PACRG: variants seen among roughly 807,000 people sequenced by gnomAD.
PACRG encodes the protein parkin coregulated gene protein.
Under a neutral mutation model 29.7 loss-of-function variants are expected in PACRG, and 29 were observed. That is an observed-to-expected ratio of 0.98 (90% CI 0.73 to 1.33). The LOEUF (loss-of-function observed/expected upper bound fraction) is 1.33, where lower values mean the gene tolerates loss of function less well. PACRG is among the 40% of genes most tolerant of loss of function. The pLI, the probability that PACRG is intolerant of heterozygous loss-of-function variation, is 0.00. For synonymous variants in PACRG, 116 were observed against 118.7 expected (o/e 0.98, Z 0.15); for missense variants, 279 against 316.2 (o/e 0.88, Z 0.89).
intron 4 of PACRG, among the ~76,000 whole-genome samples, chr6:163,212,752 G>C (rs60414440): frequency 6.6e-6 from 1 of 151,380 alleles, no homozygotes; most frequent in African/African-American, 2.4e-5. Flanking sequence ...ATAAAGGGAA[G>C]AAGAGTAACT....
intron 1 of PACRG, among the ~76,000 whole-genome samples, chr6:162,794,150 T>C (rs1465596119): frequency 2.0e-5 from 3 of 152,166 alleles, no homozygotes; most frequent in African/African-American, 7.2e-5. Context: ...CAGAATTTTT[T>C]TGTCATCTAG....
At chr6:163,185,773 A>G (rs904190147) in intron 4 of PACRG, among the ~76,000 whole-genome samples, 3 of 152,152 alleles carry the variant, frequency 2.0e-5, no homozygotes, top group Admixed American at 1.3e-4. Context: ...ATTTCTCTGT[A>G]TCTCCGTGTA....
chr6:163,209,725 T>G (rs1585334843), intron 4 of PACRG, among the ~76,000 whole-genome samples: 12 of 152,250 alleles, frequency 7.9e-5, no homozygotes, highest in Non-Finnish European at 1.5e-5. Context: ...AGCCATAATT[T>G]GATGTAAAGC....
At chr6:162,896,415 G>A (rs1275524494) in intron 2 of PACRG, among the ~76,000 whole-genome samples, 1 of 152,184 alleles carries the variant, frequency 6.6e-6, no homozygotes, top group Non-Finnish European at 1.5e-5. Context: ...ATTATGTGAA[G>A]GTCCAGGGAT....
chr6:163,023,929 T>G (rs1806873621), intron 2 of PACRG, among the ~76,000 whole-genome samples: 1 of 152,304 alleles, frequency 6.6e-6, no homozygotes, highest in East Asian at 1.9e-4. Flanking sequence ...GGCTGTTTCT[T>G]TTTTGCTTGT....
intron 4 of PACRG, among the ~76,000 whole-genome samples, chr6:163,186,651 C>T (rs1048921013): frequency 1.3e-5 from 2 of 152,192 alleles, no homozygotes; most frequent in Non-Finnish European, 2.9e-5. Flanking sequence ...GTGGAGCCGT[C>T]GCGTGCAGGT....
intron 4 of PACRG, among the ~76,000 whole-genome samples, chr6:163,281,033 G>A (rs1233882395): frequency 6.6e-6 from 1 of 152,124 alleles, no homozygotes; most frequent in Non-Finnish European, 1.5e-5. Flanking sequence ...GGTATCATTT[G>A]AACTGAGATG....
intron 2 of PACRG, among the ~76,000 whole-genome samples, chr6:163,038,954 T>G (rs1808447240): frequency 1.3e-5 from 2 of 152,212 alleles, no homozygotes; most frequent in Admixed American, 1.3e-4. Flanking sequence ...TGAAATATTT[T>G]ATGAGTTTGC....
intron 4 of PACRG, among the ~76,000 whole-genome samples, chr6:163,149,925 C>T (rs975548468): frequency 6.6e-6 from 1 of 152,228 alleles, no homozygotes; most frequent in Non-Finnish European, 1.5e-5. Flanking sequence ...CCTGGGACTC[C>T]TCCCGCCCTG....
At chr6:163,282,501 A>G (rs999832600) in intron 4 of PACRG, among the ~76,000 whole-genome samples, 21 of 152,278 alleles carry the variant, frequency 1.4e-4, no homozygotes, top group Middle Eastern at 3.4e-3. Context: ...ACCTGAGGTC[A>G]GGAGTTCGAG....
At position 163,022,099 on chromosome 6, in the gene PACRG, C is replaced by T. The variant is rs538160093; in HGVS notation, c.292-40051C>T. On this transcript the variant is annotated intron_variant, in intron 2 of 4. Coordinates refer to ENST00000366888, the MANE Select transcript of PACRG (RefSeq NM_001080379.2). Reference sequence around the variant, plus strand: ...ACTTGGCCAGCCAGACACACACCTGCTGCTGCCACAGTGGGGCAAGTGCAC... The same window carrying T: ...ACTTGGCCAGCCAGACACACACCTGTTGCTGCCACAGTGGGGCAAGTGCAC... Among the ~76,000 whole-genome samples, 47 of 152,338 alleles carry T rather than the reference C, an allele frequency of 3.1e-4. 1 individual carries two copies. In the South Asian group the frequency reaches 9.3e-3, roughly 30 times the overall value.
chr6:162,919,031 G>A (rs1370954334), intron 2 of PACRG, among the ~76,000 whole-genome samples: 1 of 152,126 alleles, frequency 6.6e-6, no homozygotes, highest in Non-Finnish European at 1.5e-5. Flanking sequence ...ACCTAGAGGG[G>A]ATGAAGCCCT....
At chr6:163,049,815 A>G (rs1008168369) in intron 2 of PACRG, among the ~76,000 whole-genome samples, 1 of 152,094 alleles carries the variant, frequency 6.6e-6, no homozygotes, top group Admixed American at 6.5e-5. Context: ...AAAAACAGGT[A>G]GTCATTTATT....
At chr6:162,856,101 G>A (rs1244826856) in intron 2 of PACRG, among the ~76,000 whole-genome samples, 1 of 152,148 alleles carries the variant, frequency 6.6e-6, no homozygotes, top group East Asian at 1.9e-4. Flanking sequence ...CTGTCACCCA[G>A]GCTGGAGTGC....
At chr6:162,814,375 G>C in intron 2 of PACRG, 94 bp downstream of exon 2, 1 of 1,482,842 alleles carries the variant, frequency 6.7e-7, no homozygotes. Context: ...AAATAAACTG[G>C]AGTCATTTCT....
In PACRG at chr6:162,977,203, A is replaced by G. The variant is rs145619469; in HGVS notation, c.292-84947A>G. On this transcript the variant is annotated intron_variant, in intron 2 of 4. Transcript: ENST00000366888. ...GAAAATATTTGTAAACATTTGATAA[A>G]TAATATCACTAACATACAAATAGCT... is the stretch of plus-strand genomic sequence containing the variant. 4.7e-3 allele frequency among the ~76,000 whole-genome samples: 722 copies of G among 152,192 alleles called. 8 individuals carry two copies. Among genetic ancestry groups the G allele is most frequent in the African/African-American group, 0.017 (686 of 41,560 alleles).
At chr6:163,237,403 A>AT (rs890328476) in intron 4 of PACRG, among the ~76,000 whole-genome samples, 5 of 152,150 alleles carry the variant, frequency 3.3e-5, no homozygotes, top group African/African-American at 9.7e-5. Context: ...CTTAGCAAGT[A>AT]TTTTTTATAT....
At chr6:162,978,099 G>T (rs755239875) in intron 2 of PACRG, among the ~76,000 whole-genome samples, 6 of 151,494 alleles carry the variant, frequency 4.0e-5, no homozygotes, top group Non-Finnish European at 8.8e-5. Flanking sequence ...AACCAAGATT[G>T]CACCACTGTA....
At chr6:163,048,938 T>C (rs1244142670) in intron 2 of PACRG, among the ~76,000 whole-genome samples, 1 of 152,166 alleles carries the variant, frequency 6.6e-6, no homozygotes, top group Admixed American at 6.5e-5. Context: ...ATAGTCCTTA[T>C]ATGCTTGTAA....
Sources: allele counts gnomAD v4.1 joint callset (sites outside exome capture counted in the v4.1 genomes callset), GRCh38; gene constraint gnomAD v4.1.1; transcripts MANE v1.5; gene names NCBI Gene and HGNC (gene_info 2026-07-23, HGNC 2026-07-21).